The following TEAD1 variants were observed in gnomAD, a reference collection of about 807,000 sequenced individuals.
TEAD1 encodes transcriptional enhancer factor TEF-1.
TEAD1 carries 9 observed loss-of-function variants against 54.9 expected under a neutral mutation model. That is an observed-to-expected ratio of 0.16 (90% confidence interval 0.10 to 0.29). The LOEUF is 0.29. Among genes scored for constraint, TEAD1 ranks in the 10% least tolerant of loss-of-function variants. The pLI, the probability that TEAD1 is intolerant of heterozygous loss-of-function variation, is 1.00. For synonymous variants in TEAD1, 200 were observed against 187.8 expected, an observed-to-expected ratio of 1.07 and a Z score of -0.53; for missense variants, 387 against 535.9, an observed-to-expected ratio of 0.72 and a Z score of 2.74.
chr11:12,788,925 T>G (rs924076116), intron 3 of TEAD1, among the ~76,000 whole-genome samples: 1 of 152,204 alleles, frequency 6.6e-6, no homozygotes, highest in African/African-American at 2.4e-5. Context: ...TTTTAAGAGA[T>G]GGGGTTTAGA....
chr11:12,724,687 T>C (rs1406766424), intron 2 of TEAD1, among the ~76,000 whole-genome samples: 1 of 152,234 alleles, frequency 6.6e-6, no homozygotes, highest in Non-Finnish European at 1.5e-5. Context: ...AGGCTGTTTC[T>C]CCGGCTCCCT....
intron 2 of TEAD1, among the ~76,000 whole-genome samples, chr11:12,688,819 A>G (rs1387796617): frequency 6.6e-6 from 1 of 151,832 alleles, no homozygotes; most frequent in African/African-American, 2.4e-5. Context: ...GGTTCCCCCA[A>G]CCCATTGAGA....
At chr11:12,926,819 A>G (rs1470970598) in intron 11 of TEAD1, among the ~76,000 whole-genome samples, 1 of 152,208 alleles carries the variant, frequency 6.6e-6, no homozygotes, top group East Asian at 1.9e-4. Flanking sequence ...TAGGAAGCCC[A>G]GGAGGTGAGA....
At chr11:12,714,921 G>A (rs1246992023) in intron 2 of TEAD1, among the ~76,000 whole-genome samples, 1 of 152,164 alleles carries the variant, frequency 6.6e-6, no homozygotes, top group African/African-American at 2.4e-5. Context: ...AAAAGGCCAT[G>A]TCTCCAAATG....
chr11:12,698,646 A>AG (rs1310754975), intron 2 of TEAD1, among the ~76,000 whole-genome samples: 1 of 152,058 alleles, frequency 6.6e-6, no homozygotes, highest in African/African-American at 2.4e-5. Context: ...ATTTGATTCT[A>AG]GCCCCGTGTC....
At chr11:12,774,670 TCAGCATGTTTCTTTCTAC>T (rs1345747100) in intron 3 of TEAD1, among the ~76,000 whole-genome samples, 2 of 152,328 alleles carry the variant, frequency 1.3e-5, no homozygotes, top group African/African-American at 4.8e-5. Flanking sequence ...GGCTGGTAAG[TCAGCATGTTTCTTTCTAC>T]CTCTCAGCAA....
chr11:12,718,021 T>TGTG (rs764451969), intron 2 of TEAD1, among the ~76,000 whole-genome samples: 1 of 152,172 alleles, frequency 6.6e-6, no homozygotes. Flanking sequence ...TTCTTGTGGT[T>TGTG]GTGGTGGTGG....
In TEAD1 at chr11:12,920,182, G is replaced by A. The variant is rs192302133; in HGVS notation, c.874-4730G>A. On this transcript the variant is annotated intron_variant, in intron 10 of 12. Transcript: ENST00000527636. ...TAAAGGAAGGCGGTCTTAAAAATGC[G>A]TCAGATCTGCTAGGTGTGCCACTGC... is the stretch of plus-strand genomic sequence containing the variant. 3.3e-3 allele frequency among the ~76,000 whole-genome samples: 503 copies of A among 152,266 alleles called. 1 individual carries two copies. Among genetic ancestry groups the A allele is most frequent in the Non-Finnish European group, 4.7e-3 (320 of 68,020 alleles).
intron 3 of TEAD1, among the ~76,000 whole-genome samples, chr11:12,828,640 C>T (rs1247391275): frequency 2.1e-5 from 3 of 145,224 alleles, no homozygotes; most frequent in Non-Finnish European, 3.0e-5. Context: ...TATGCATAGC[C>T]CTTGGGAGTG....
At chr11:12,853,755 G>C (rs987065816) in intron 3 of TEAD1, among the ~76,000 whole-genome samples, 1 of 152,120 alleles carries the variant, frequency 6.6e-6, no homozygotes, top group African/African-American at 2.4e-5. Flanking sequence ...TCTAAGATGC[G>C]GGAGAACACA....
chr11:12,689,450 A>G (rs1181572147), intron 2 of TEAD1, among the ~76,000 whole-genome samples: 1 of 152,122 alleles, frequency 6.6e-6, no homozygotes. Context: ...CAGTTTCCTA[A>G]CCCCTGAAAT....
At chr11:12,935,439 C>G (rs1290624372) in intron 12 of TEAD1, among the ~76,000 whole-genome samples, 1 of 144,076 alleles carries the variant, frequency 6.9e-6, no homozygotes, top group Non-Finnish European at 1.5e-5. Flanking sequence ...ATTCATTCAG[C>G]AATTATTTAT....
At position 12,910,278 on chromosome 11, in the gene TEAD1, C is replaced by T. The variant is rs535243743; in HGVS notation, c.873+8165C>T. Reference sequence around the variant, plus strand: ...AAGTTTACAGAAGGAAATAAAATTACAGATTTAACCAAATAAGACATGCAA... The same window carrying T: ...AAGTTTACAGAAGGAAATAAAATTATAGATTTAACCAAATAAGACATGCAA... On this transcript the variant is annotated intron_variant, in intron 10 of 12. Coordinates refer to ENST00000527636, the MANE Select transcript of TEAD1 (RefSeq NM_021961.6). 2.6e-4 allele frequency among the ~76,000 whole-genome samples: 40 copies of T among 152,260 alleles called. 1 individual carries two copies. In the South Asian group the frequency reaches 8.1e-3, roughly 31 times the overall value.
chr11:12,757,279 C>T (rs1443905058), intron 2 of TEAD1, among the ~76,000 whole-genome samples: 1 of 152,192 alleles, frequency 6.6e-6, no homozygotes, highest in Non-Finnish European at 1.5e-5. Context: ...TCCTTGGCTT[C>T]TGGTCTTTAC....
At chr11:12,830,215 G>C (rs1946743707) in intron 3 of TEAD1, among the ~76,000 whole-genome samples, 1 of 152,128 alleles carries the variant, frequency 6.6e-6, no homozygotes, top group African/African-American at 2.4e-5. Flanking sequence ...GCATCTTGGG[G>C]AGTGGGCAAG....
At chr11:12,833,601 C>A (rs886179401) in intron 3 of TEAD1, among the ~76,000 whole-genome samples, 5 of 152,052 alleles carry the variant, frequency 3.3e-5, no homozygotes, top group African/African-American at 1.2e-4. Flanking sequence ...ACGTTAGTTA[C>A]ATTTACTCCT....
chr11:12,871,738 G>C (rs937573892), intron 5 of TEAD1, among the ~76,000 whole-genome samples: 1 of 152,276 alleles, frequency 6.6e-6, no homozygotes, highest in East Asian at 1.9e-4. Context: ...GCCACCTCTG[G>C]TTCACTTCTC....
chr11:12,690,173 C>T (rs1418300724), intron 2 of TEAD1, among the ~76,000 whole-genome samples: 1 of 144,544 alleles, frequency 6.9e-6, no homozygotes, highest in East Asian at 2.1e-4. Flanking sequence ...ACCCAGGAGG[C>T]GGAGCTTGTA....
chr11:12,844,457 A>G (rs1947099279), intron 3 of TEAD1, among the ~76,000 whole-genome samples: 1 of 152,140 alleles, frequency 6.6e-6, no homozygotes, highest in Non-Finnish European at 1.5e-5. Flanking sequence ...CAGTTTCCAC[A>G]TGTGATTTGT....
Sources: gnomAD v4.1 joint callset for allele counts (sites outside exome capture counted in the v4.1 genomes callset) on GRCh38, gnomAD v4.1.1 for gene constraint, MANE v1.5 for transcripts, NCBI Gene and HGNC (gene_info 2026-07-23, HGNC 2026-07-21) for gene names.